Variants in RPRD1A observed in about 807,000 individuals in gnomAD.
The protein encoded by RPRD1A is regulation of nuclear pre-mRNA domain containing 1A.
In RPRD1A, 9 loss-of-function variants were observed where a neutral mutation model predicts 37.8. That is an observed-to-expected ratio of 0.24 (90% confidence interval 0.14 to 0.42). The LOEUF (loss-of-function observed/expected upper bound fraction) is 0.42. RPRD1A is among the 10% of genes least tolerant of loss of function. The probability of loss-of-function intolerance (pLI) is 1.00; values close to 1 mark genes in which losing one functional copy is unlikely to be tolerated. For synonymous variants in RPRD1A, 138 were observed against 139.7 expected, an observed-to-expected ratio of 0.99 and a Z score of 0.08; for missense variants, 255 against 371.0, an observed-to-expected ratio of 0.69 and a Z score of 2.57.
chr18:36,030,006 C>T lies in RPRD1A; in HGVS notation c.486+802G>A, dbSNP rs543117167. Among the ~76,000 whole-genome samples, 441 of 150,864 alleles carry T rather than the reference C, an allele frequency of 2.9e-3. 4 individuals are homozygous for T. Among genetic ancestry groups the T allele is most frequent in the African/African-American group, 1.0e-2 (411 of 41,202 alleles). On this transcript the variant is annotated intron_variant, in intron 4 of 6. Transcript: ENST00000399022. Reference sequence around the variant, plus strand: ...ATTTTTTAGTAGAGACGGGGTTTCACCATATTAGCCAGGATGGTCTCGATC... The same window carrying T: ...ATTTTTTAGTAGAGACGGGGTTTCATCATATTAGCCAGGATGGTCTCGATC...
In RPRD1A at chr18:36,030,884, T is replaced by A. The variant is rs755883351; in HGVS notation, c.410A>T (p.Lys137Met). 1 of 1,612,540 alleles carries A rather than the reference T, an allele frequency of 6.2e-7. No homozygotes were observed. ...CACCTTTATCTGTTCATAAGTTCGC[T>A]TCCTAGGCTTCTTATCACCATCTGA... ...QALYGDKKPRKRTYEQIKVDE... is the reference protein window; with the variant it reads ...QALYGDKKPRMRTYEQIKVDE... Residue 137 changes from lysine to methionine, a missense_variant, in exon 4 of 7, where the codon AAG becomes ATG. Around this residue, in one of 2 missense-constraint regions of RPRD1A, gnomAD observed 211 missense variants for 268.9 expected, o/e 0.78. Coordinates refer to ENST00000399022, the MANE Select transcript of RPRD1A (RefSeq NM_018170.5).
intron 1 of RPRD1A, among the ~76,000 whole-genome samples, chr18:36,052,361 A>G (rs1411361466): frequency 1.1e-4 from 17 of 151,992 alleles, no homozygotes; most frequent in Non-Finnish European, 1.5e-5. Context: ...GCCATAAGAA[A>G]TAACGAACAT....
chr18:36,061,649 G>A (rs1844340048), intron 1 of RPRD1A, among the ~76,000 whole-genome samples: 1 of 152,182 alleles, frequency 6.6e-6, no homozygotes, highest in African/African-American at 2.4e-5. Flanking sequence ...TATTGACTGA[G>A]ACATTTACAG....
At chr18:36,047,459 G>T (rs1384890991) in intron 1 of RPRD1A, among the ~76,000 whole-genome samples, 1 of 151,716 alleles carries the variant, frequency 6.6e-6, no homozygotes, top group Non-Finnish European at 1.5e-5. Flanking sequence ...GCAAGTAAAA[G>T]GAATGAAATA....
At chr18:36,007,996 T>C (rs2144187850) in intron 6 of RPRD1A, among the ~76,000 whole-genome samples, 1 of 151,708 alleles carries the variant, frequency 6.6e-6, no homozygotes, top group Non-Finnish European at 1.5e-5. Context: ...GCTTATAGTC[T>C]CAGCCAGGAG....
Position 36,026,985 on chromosome 18 carries a change from T to C in RPRD1A, c.704A>G (p.Asp235Gly). 6.2e-7 allele frequency: 1 copy of C among 1,614,022 alleles called. No homozygotes were observed. The highest frequency in any genetic ancestry group is 8.5e-7 in the Non-Finnish European group (1 of 1,179,910). The change falls in exon 6 of 7, where the codon GAT becomes GGT. Residue 235 changes from aspartate (D) to glycine (G), a missense_variant. Coordinates refer to ENST00000399022, the MANE Select transcript of RPRD1A (RefSeq NM_018170.5). ...CATTCGAGTGAGTTGCTTTCTATCA[T>C]CTATTTCTGCCGCCAATCTGCCATT... Reference protein sequence around the residue: ...DYNGRLAAEIDDRKQLTRMLA... With the variant: ...DYNGRLAAEIGDRKQLTRMLA...
At chr18:36,065,039 A>G (rs4799843) in intron 1 of RPRD1A, among the ~76,000 whole-genome samples, 39,568 of 151,978 alleles carry the variant, frequency 0.26, 5,417 homozygotes, top group African/African-American at 0.35. Context: ...CCATCAGAAG[A>G]AAGAAACTCC....
At chr18:36,024,961 T>C (rs530859823) in intron 6 of RPRD1A, 48 of 152,200 alleles carry the variant, frequency 3.2e-4, no homozygotes, top group African/African-American at 5.8e-4. Context: ...CTGAACATAA[T>C]TGAGGTGATT....
chr18:36,054,127 CAG>C (rs879834858), intron 1 of RPRD1A, among the ~76,000 whole-genome samples: 3 of 152,258 alleles, frequency 2.0e-5, no homozygotes, highest in East Asian at 1.9e-4. Context: ...ATATTTATGA[CAG>C]AAAGTAAAAA....
At chr18:36,051,172 G>A (rs953394722) in intron 1 of RPRD1A, among the ~76,000 whole-genome samples, 3 of 152,098 alleles carry the variant, frequency 2.0e-5, no homozygotes, top group South Asian at 4.1e-4. Flanking sequence ...TTAATGATTA[G>A]GTGCTACTGG....
chr18:36,029,918 G>A (rs1911649002), intron 4 of RPRD1A, among the ~76,000 whole-genome samples: 1 of 151,298 alleles, frequency 6.6e-6, no homozygotes, highest in Non-Finnish European at 1.5e-5. Flanking sequence ...CCATTCTCCT[G>A]CCTCAGCCTC....
At chr18:35,993,856 G>A (rs964097228) in intron 6 of RPRD1A, among the ~76,000 whole-genome samples, 1 of 152,180 alleles carries the variant, frequency 6.6e-6, no homozygotes, top group South Asian at 2.1e-4. Flanking sequence ...TGGTGCTGAA[G>A]CTAAGTCCTG....
intron 1 of RPRD1A, among the ~76,000 whole-genome samples, chr18:36,042,176 A>C (rs191526450): frequency 1.3e-5 from 2 of 152,172 alleles, no homozygotes; most frequent in Non-Finnish European, 2.9e-5. Flanking sequence ...ACCTCAGTTA[A>C]ATGGGTTCCT....
intron 1 of RPRD1A, among the ~76,000 whole-genome samples, chr18:36,065,497 T>C (rs1337289321): frequency 1.3e-5 from 2 of 152,234 alleles, no homozygotes; most frequent in African/African-American, 4.8e-5. Flanking sequence ...GGTTTCACTA[T>C]GTTGCACAGG....
At chr18:36,009,742 A>G (rs1910054656) in intron 6 of RPRD1A, among the ~76,000 whole-genome samples, 1 of 152,252 alleles carries the variant, frequency 6.6e-6, no homozygotes, top group African/African-American at 2.4e-5. Context: ...ATTACCCAAC[A>G]TGGTAGCTAA....
intron 6 of RPRD1A, among the ~76,000 whole-genome samples, chr18:35,995,261 G>GTTTTTTT (rs1232555714): frequency 2.7e-5 from 3 of 109,206 alleles, no homozygotes; most frequent in Admixed American, 1.0e-4. Context: ...GCTTTTTTTC[G>GTTTTTTT]TTTTTTTTTT....
At chr18:36,043,608 C>T (rs968657153) in intron 1 of RPRD1A, among the ~76,000 whole-genome samples, 1 of 152,152 alleles carries the variant, frequency 6.6e-6, no homozygotes, top group African/African-American at 2.4e-5. Context: ...TCAACTGGAA[C>T]AGTTATGGAA....
chr18:36,067,260 G>A lies in RPRD1A; in HGVS notation c.145C>T (p.Arg49Trp), dbSNP rs762635649. ...ACATAAGCGGTTGACTCACCTTTCC[G>A]CAGCTCCCGCTCCCACACGGTGACG... ...PIVTVWERELRKAKPNRKLTF... is the reference protein window; with the variant it reads ...PIVTVWERELWKAKPNRKLTF... Residue 49 changes from arginine to tryptophan, a missense_variant, in exon 1 of 7, where the codon CGG becomes TGG. This residue lies in a region of RPRD1A where 44 missense variants were observed against 102.1 expected (regional missense o/e 0.43). Coordinates refer to ENST00000399022, the MANE Select transcript of RPRD1A (RefSeq NM_018170.5). The A allele has an allele frequency of 4.5e-5, 71 of 1,586,480 alleles. No individual in the cohort carries two copies. Among genetic ancestry groups the A allele is most frequent in the Non-Finnish European group, 2.8e-5 (33 of 1,166,874 alleles).
chr18:36,045,442 G>T (rs928848160), intron 1 of RPRD1A, among the ~76,000 whole-genome samples: 3 of 151,990 alleles, frequency 2.0e-5, no homozygotes, highest in African/African-American at 7.3e-5. Context: ...ACAGAGTACT[G>T]GTCACTGCTT....
Sources: allele counts gnomAD v4.1 joint callset (sites outside exome capture counted in the v4.1 genomes callset), GRCh38; gene constraint gnomAD v4.1.1; regional missense constraint gnomAD v4.1.1; transcripts MANE v1.5; gene names NCBI Gene and HGNC (gene_info 2026-07-23, HGNC 2026-07-21).